The following YY1 variants were observed in gnomAD, a reference collection of about 807,000 sequenced individuals.
The protein encoded by YY1 is YY1 transcription factor.
A neutral mutation model predicts 35.6 loss-of-function variants in YY1; 2 were observed. The ratio of observed to expected loss-of-function variants is 0.06; its 90% CI spans 0.02 to 0.18. YY1 has a LOEUF of 0.18. Among genes scored for constraint, YY1 ranks in the 10% least tolerant of loss-of-function variants. The pLI, the probability that YY1 is intolerant of heterozygous loss-of-function variation, is 1.00. For synonymous variants in YY1, 268 were observed against 238.9 expected (o/e 1.12, Z -1.12); for missense variants, 322 against 573.4 (o/e 0.56, Z 4.48).
In YY1 at chr14:100,277,555, G is replaced by C; in HGVS notation, c.1200G>C (p.Leu400=). The C allele has an allele frequency of 6.2e-7, 1 of 1,614,198 alleles. No individual in the cohort carries two copies. Among genetic ancestry groups the C allele is most frequent in the Non-Finnish European group, 8.5e-7 (1 of 1,180,044 alleles). The change falls in exon 5 of 5, where the codon CTG becomes CTC. Residue 400 remains leucine (L), a synonymous_variant. Coordinates refer to ENST00000262238, the MANE Select transcript of YY1 (RefSeq NM_003403.5). This position sits in a 1 kb window ranked among gnomAD's most constrained non-coding sequence, Gnocchi z 5.6. ...AGAAGTTTGCTCAGTCAACTAACCT[G>C]AAATCTCACATCTTAACACATGCTA... ...CNKKFAQSTN[L]KSHILTHAKA...
In YY1 at chr14:100,276,087, TA is replaced by T; in HGVS notation, c.904-402del. On this transcript the variant is annotated intron_variant, in intron 3 of 4. Coordinates refer to ENST00000262238, the MANE Select transcript of YY1 (RefSeq NM_003403.5). The surrounding 1 kb of genome is among the most constrained non-coding windows in gnomAD (Gnocchi z 4.1). ...GGGGCCACCAAAGGTAGTGGTGGAC[TA>T]CCGTCATTTTAACTCCATTTGCTTA... 1 of 295,198 alleles carries T rather than the reference TA, an allele frequency of 3.4e-6. No individual in the cohort carries two copies. The highest frequency in any genetic ancestry group is 3.2e-5 in the South Asian group (1 of 31,022). The allele number at this position is 295,198 out of a possible 1,614,324, so 18.3% of individuals were successfully genotyped here.
Position 100,278,132 on chromosome 14 carries a change from G to T in YY1, c.*532G>T. 1 of 144,528 alleles carries T rather than the reference G, an allele frequency of 6.9e-6. No homozygotes were observed. The highest frequency in any genetic ancestry group is 1.5e-5 in the Non-Finnish European group (1 of 66,408). The allele number at this position is 144,528 out of a possible 1,614,324, so 9.0% of individuals were successfully genotyped here. A position where few individuals can be genotyped will look rare whatever the true frequency, so the allele number is the denominator to read the frequency against. The stretch of plus-strand genomic sequence containing the variant: ...ATGCATACTTCAAAAGTATTTTCCT[G>T]TAAAAAAAAAAAAGTTATATAGGTT... On this transcript the variant is annotated 3_prime_UTR_variant, in exon 5 of 5. Transcript: ENST00000262238.
chr14:100,258,973 T>C (rs964859063), intron 1 of YY1, among the ~76,000 whole-genome samples: 3 of 152,350 alleles, frequency 2.0e-5, no homozygotes, highest in South Asian at 4.1e-4. Context: ...TAAGCAGTTA[T>C]ATGTAGTTTT....
chr14:100,262,163 A>C (rs1035887419), intron 1 of YY1, 141 bp from the exon 2 acceptor site: 2 of 178,174 alleles, frequency 1.1e-5, no homozygotes, highest in African/African-American at 3.1e-5. Flanking sequence ...ACCGTTCTCC[A>C]AAAAAAAAAA....
rs553997822 is a variant in YY1 at position 100,256,850 on chromosome 14, A to G, written c.680-5454A>G. ...AAAATGAGAAGTATTATGGTAATGT[A>G]TATTTTACCACAATTTTTTTTTTTT... is the stretch of plus-strand genomic sequence containing the variant. On this transcript the variant is annotated intron_variant, in intron 1 of 4. Coordinates refer to ENST00000262238, the MANE Select transcript of YY1 (RefSeq NM_003403.5). Among the ~76,000 whole-genome samples, 19 of 148,534 alleles carry G rather than the reference A, an allele frequency of 1.3e-4. No homozygotes were observed. The East Asian group carries it at 2.9e-3, about 22-fold the overall frequency.
intron 1 of YY1, among the ~76,000 whole-genome samples, chr14:100,260,260 A>G (rs923900059): frequency 4.7e-5 from 7 of 150,036 alleles, no homozygotes; most frequent in African/African-American, 1.7e-4. Flanking sequence ...TATTTTTAGT[A>G]GAGTTGGGGT....
Position 100,239,362 on chromosome 14 carries a change from G to C in YY1, c.118G>C (p.Val40Leu), listed in dbSNP as rs774374231. The change falls in exon 1 of 5, where the codon GTG (valine) becomes CTG (leucine). Residue 40 changes from valine to leucine, a missense_variant. Coordinates refer to ENST00000262238, the MANE Select transcript of YY1 (RefSeq NM_003403.5). ...TIPVETIETTVVGEEEEEDDD... is the reference protein window; with the variant it reads ...TIPVETIETTLVGEEEEEDDD... ...CCCGGTGGAGACCATCGAGACCACA[G>C]TGGTGGGCGAGGAGGAGGAGGAGGA... 8.1e-6 allele frequency: 13 copies of C among 1,603,498 alleles called. No homozygotes were observed. In the African/African-American group the frequency reaches 1.6e-4, roughly 20 times the overall value.
chr14:100,260,111 G>A (rs1891059357), intron 1 of YY1, among the ~76,000 whole-genome samples: 1 of 152,104 alleles, frequency 6.6e-6, no homozygotes, highest in Admixed American at 6.6e-5. Flanking sequence ...TTGAGACGGG[G>A]TCTTGCTCTG....
chr14:100,268,307 A>T (rs1226440558), intron 2 of YY1, among the ~76,000 whole-genome samples: 1 of 152,248 alleles, frequency 6.6e-6, no homozygotes, highest in East Asian at 1.9e-4. Context: ...TGGGCAAAAT[A>T]TAAGCCATAA....
Position 100,277,492 on chromosome 14 carries a change from A to T in YY1, c.1137A>T (p.Gly379=). ...NLRTHVRIHT[G]DRPYVCPFDG... ...GCACACATGTGCGAATCCATACCGGAGACAGGCCCTATGTGTGCCCCTTCG... is the reference window on the plus strand; with the variant it reads ...GCACACATGTGCGAATCCATACCGGTGACAGGCCCTATGTGTGCCCCTTCG... The change falls in exon 5 of 5, where the codon GGA becomes GGT. Residue 379 remains glycine, a synonymous_variant. Coordinates refer to ENST00000262238, the MANE Select transcript of YY1 (RefSeq NM_003403.5). This position sits in a 1 kb window ranked among gnomAD's most constrained non-coding sequence, Gnocchi z 5.6. 2 of 1,614,192 alleles carry T rather than the reference A, an allele frequency of 1.2e-6. No homozygotes were observed. The highest frequency in any genetic ancestry group is 1.7e-6 in the Non-Finnish European group (2 of 1,180,036).
chr14:100,249,755 T>TTTTG (rs1566771315), intron 1 of YY1, among the ~76,000 whole-genome samples: 2 of 79,808 alleles, frequency 2.5e-5, no homozygotes, highest in African/African-American at 1.1e-4. Context: ...ACCGTTTTTT[T>TTTTG]TTTTGTTTGT....
In YY1 at chr14:100,274,881, G is replaced by A. The variant is rs552441794; in HGVS notation, c.903+123G>A. 126 of 1,006,390 alleles carry A rather than the reference G, an allele frequency of 1.3e-4. 1 individual carries two copies. Among genetic ancestry groups the A allele is most frequent in the Non-Finnish European group, 1.7e-4 (112 of 660,236 alleles). 62.3% of individuals were successfully genotyped at this position (1,006,390 alleles called of 1,614,324 possible). A position where few individuals can be genotyped will look rare whatever the true frequency, so the allele number is the denominator to read the frequency against. The stretch of plus-strand genomic sequence containing the variant: ...AATGAAGCAAGGAATTAGAATCTTC[G>A]GTTTCTAAATCCAAGAGATGAAGTT... On this transcript the variant is annotated intron_variant, in intron 3 of 4. Transcript: ENST00000262238.
chr14:100,269,796 C>CT (rs1891207548), intron 2 of YY1, among the ~76,000 whole-genome samples: 1 of 152,036 alleles, frequency 6.6e-6, no homozygotes, highest in Non-Finnish European at 1.5e-5. Context: ...ATTTTAAACT[C>CT]TCATTCTAAA....
chr14:100,269,100 G>C (rs1257907322), intron 2 of YY1, among the ~76,000 whole-genome samples: 5 of 152,126 alleles, frequency 3.3e-5, no homozygotes. Flanking sequence ...TGAGTTGTTG[G>C]GTGTCTGACT....
At chr14:100,240,489 C>A (rs1185616775) in intron 1 of YY1, among the ~76,000 whole-genome samples, 1 of 151,252 alleles carries the variant, frequency 6.6e-6, no homozygotes, top group East Asian at 2.0e-4. Flanking sequence ...CCAACTGCTC[C>A]CCGGTGGCAC....
intron 3 of YY1, among the ~76,000 whole-genome samples, chr14:100,275,305 A>T (rs1253145380): frequency 6.6e-6 from 1 of 152,246 alleles, no homozygotes; most frequent in East Asian, 1.9e-4. Context: ...AGTATCACAT[A>T]GGTACAGAGA....
At chr14:100,268,179 T>C (rs1054762851) in intron 2 of YY1, among the ~76,000 whole-genome samples, 1 of 152,142 alleles carries the variant, frequency 6.6e-6, no homozygotes, top group Non-Finnish European at 1.5e-5. Context: ...TGCTTTTCTG[T>C]CTCCTCTGTG....
intron 2 of YY1, among the ~76,000 whole-genome samples, chr14:100,268,438 GT>G (rs1891186351): frequency 6.6e-6 from 1 of 152,202 alleles, no homozygotes. Flanking sequence ...AGTGAGTTCT[GT>G]TTCCTGTAAA....
Position 100,276,140 on chromosome 14 carries a change from G to A in YY1, c.904-350G>A. 1 of 339,984 alleles carries A rather than the reference G, an allele frequency of 2.9e-6. No homozygotes were observed. The highest frequency in any genetic ancestry group is 5.6e-6 in the Non-Finnish European group (1 of 177,232). 21.1% of individuals were successfully genotyped at this position (339,984 alleles called of 1,614,324 possible). A position where few individuals can be genotyped will look rare whatever the true frequency, so the allele number is the denominator to read the frequency against. ...CAGTGCTTCTGTTACTTCATTTTGG[G>A]GGACATAGTCGGGTGAGGTGGCTGT... On this transcript the variant is annotated intron_variant, in intron 3 of 4. Transcript: ENST00000262238. This position sits in a 1 kb window ranked among gnomAD's most constrained non-coding sequence, Gnocchi z 4.1.
Sources: gnomAD v4.1 joint callset for allele counts (sites outside exome capture counted in the v4.1 genomes callset) on GRCh38, gnomAD v4.1.1 for gene constraint, Gnocchi (gnomAD v3.1) non-coding constraint, MANE v1.5 for transcripts, NCBI Gene and HGNC (gene_info 2026-07-23, HGNC 2026-07-21) for gene names.